NR2C2: variants seen among roughly 807,000 people sequenced by gnomAD.
NR2C2 encodes nuclear receptor subfamily 2 group C member 2.
In NR2C2, 6 loss-of-function variants were observed where a neutral mutation model predicts 62.9. The observed-to-expected ratio is 0.10, with a 90% CI of 0.05 to 0.19. The LOEUF (loss-of-function observed/expected upper bound fraction) is 0.19. Ranked by LOEUF, NR2C2 falls within the 10% of genes least tolerant of loss-of-function variation. NR2C2 has a pLI of 1.00. For missense variants in NR2C2, 479 were observed against 762.7 expected (o/e 0.63, Z 4.38); for synonymous variants, 272 against 273.8 (o/e 0.99, Z 0.07).
At chr3:14,998,106 C>G (rs1161844084) in intron 1 of NR2C2, among the ~76,000 whole-genome samples, 5 of 152,160 alleles carry the variant, frequency 3.3e-5, no homozygotes, top group East Asian at 1.9e-4. Context: ...CACTTCATTC[C>G]TTTTTATTGC....
At chr3:14,957,806 T>A (rs971297118) in intron 1 of NR2C2, among the ~76,000 whole-genome samples, 2 of 131,512 alleles carry the variant, frequency 1.5e-5, no homozygotes, top group Non-Finnish European at 3.3e-5. Flanking sequence ...GCAGTCTAAA[T>A]TTTTTTTTTT....
intron 8 of NR2C2, among the ~76,000 whole-genome samples, chr3:15,029,372 G>T (rs1280760078): frequency 3.3e-5 from 5 of 151,946 alleles, no homozygotes; most frequent in Non-Finnish European, 7.4e-5. Context: ...TGCTACTAAG[G>T]ATGTTTCTTC....
chr3:15,048,250 CAA>C lies in NR2C2; in HGVS notation c.*5243_*5244del, dbSNP rs1004599202. On this transcript the variant is annotated 3_prime_UTR_variant, in exon 14 of 14. Transcript: ENST00000425241. ...CTTCTATTTCACTGGCCTCATCCCA[CAA>C]GATTGTGCGACCTTTCCCCGTCATA... 1 of 152,654 alleles carries C rather than the reference CAA, an allele frequency of 6.6e-6. No homozygotes were observed. Among genetic ancestry groups the C allele is most frequent in the Non-Finnish European group, 1.5e-5 (1 of 68,044 alleles). 9.5% of individuals were successfully genotyped at this position (152,654 alleles called of 1,614,324 possible).
intron 7 of NR2C2, among the ~76,000 whole-genome samples, chr3:15,027,396 G>A (rs914069147): frequency 6.6e-6 from 1 of 152,248 alleles, no homozygotes; most frequent in African/African-American, 2.4e-5. Context: ...CACCAACTGT[G>A]TAGGAAGGTT....
chr3:15,033,055 G>A (rs913924005), intron 10 of NR2C2, among the ~76,000 whole-genome samples: 1 of 151,450 alleles, frequency 6.6e-6, no homozygotes, highest in Non-Finnish European at 1.5e-5. Flanking sequence ...GCCAAGTGCT[G>A]TGCAGCTGGT....
intron 1 of NR2C2, among the ~76,000 whole-genome samples, chr3:14,967,440 A>G (rs1387578601): frequency 6.6e-6 from 1 of 152,160 alleles, no homozygotes; most frequent in East Asian, 1.9e-4. Context: ...AACACTGGAA[A>G]GGAAGTGGAA....
chr3:14,969,345 C>T (rs946462371), intron 1 of NR2C2, among the ~76,000 whole-genome samples: 6 of 149,904 alleles, frequency 4.0e-5, no homozygotes, highest in African/African-American at 1.5e-4. Flanking sequence ...TCCGTTCAAG[C>T]AATTTTCCCG....
chr3:14,991,969 C>G (rs993592222), intron 1 of NR2C2, among the ~76,000 whole-genome samples: 1 of 151,740 alleles, frequency 6.6e-6, no homozygotes, highest in South Asian at 2.1e-4. Flanking sequence ...TGGGGTCTTG[C>G]AATGCTGTCC....
intron 4 of NR2C2, among the ~76,000 whole-genome samples, chr3:15,017,837 G>A (rs2041554312): frequency 6.6e-6 from 1 of 152,202 alleles, no homozygotes; most frequent in African/African-American, 2.4e-5. Flanking sequence ...CACCATAAAT[G>A]GTAATCCTGT....
At chr3:15,005,035 G>T (rs1438314057) in intron 2 of NR2C2, among the ~76,000 whole-genome samples, 1 of 152,090 alleles carries the variant, frequency 6.6e-6, no homozygotes, top group Non-Finnish European at 1.5e-5. Flanking sequence ...TTACAGGCAT[G>T]AGCCACCATG....
chr3:14,951,239 G>C (rs901298248), intron 1 of NR2C2, among the ~76,000 whole-genome samples: 17 of 152,170 alleles, frequency 1.1e-4, no homozygotes, highest in Admixed American at 8.5e-4. Flanking sequence ...ATTGGGAGTT[G>C]AAAGTCTCTG....
At position 15,006,845 on chromosome 3, in the gene NR2C2, G is replaced by A. The variant is rs142051552; in HGVS notation, c.72+2859G>A. ...GGCTGGAGTACAGTGGCACAGTGTT[G>A]GCTCACTGCAACTTCTGCCTCCCAG... On this transcript the variant is annotated intron_variant, in intron 2 of 13. Transcript: ENST00000425241. 3.2e-3 allele frequency among the ~76,000 whole-genome samples: 486 copies of A among 150,384 alleles called. 2 individuals carry two copies. Among genetic ancestry groups the A allele is most frequent in the Admixed American group, 5.8e-3 (87 of 15,074 alleles).
intron 1 of NR2C2, among the ~76,000 whole-genome samples, chr3:15,001,318 GT>G (rs61017075): frequency 0.12 from 12,000 of 97,520 alleles, 162 homozygotes; most frequent in African/African-American, 0.22. Context: ...TTTGTTTTGG[GT>G]TTTTTTTTTT....
intron 1 of NR2C2, among the ~76,000 whole-genome samples, chr3:14,990,953 GTTGT>G (rs1168092684): frequency 2.6e-5 from 4 of 152,176 alleles, no homozygotes; most frequent in South Asian, 2.1e-4. Context: ...TGGGGCAAAA[GTTGT>G]TTGTTGTTTT....
chr3:15,015,688 T>G (rs1293365044), intron 3 of NR2C2, among the ~76,000 whole-genome samples: 1 of 152,246 alleles, frequency 6.6e-6, no homozygotes, highest in Non-Finnish European at 1.5e-5. Flanking sequence ...AGAGCCATTC[T>G]GGGTGTCAGA....
chr3:14,962,694 A>G (rs1342927041), intron 1 of NR2C2, among the ~76,000 whole-genome samples: 2 of 129,250 alleles, frequency 1.5e-5, no homozygotes, highest in Admixed American at 1.7e-4. Context: ...AGGGTGGCCT[A>G]TCTGCTTTTA....
At chr3:15,022,494 T>TC (rs774820226) in intron 5 of NR2C2, among the ~76,000 whole-genome samples, 24 of 140,114 alleles carry the variant, frequency 1.7e-4, no homozygotes, top group Non-Finnish European at 6.1e-5. Flanking sequence ...AGCCTCCGCC[T>TC]CCCAGGTTCA....
chr3:14,952,854 A>G (rs1443283616), intron 1 of NR2C2, among the ~76,000 whole-genome samples: 1 of 152,206 alleles, frequency 6.6e-6, no homozygotes, highest in Non-Finnish European at 1.5e-5. Flanking sequence ...CCTGAGTGCT[A>G]GAGAGTAAAG....
chr3:15,003,789 A>C (rs1470777013), intron 1 of NR2C2, 87 bp from the exon 2 acceptor site: 4 of 788,022 alleles, frequency 5.1e-6, no homozygotes, highest in Non-Finnish European at 8.7e-6. Context: ...ACTCCAGGCC[A>C]CAGTGAAAGC....
Sources: allele counts gnomAD v4.1 joint callset (sites outside exome capture counted in the v4.1 genomes callset), GRCh38; gene constraint gnomAD v4.1.1; transcripts MANE v1.5; gene names NCBI Gene and HGNC (gene_info 2026-07-23, HGNC 2026-07-21).